Variants in CALN1 observed in about 807,000 individuals in gnomAD.
CALN1 encodes calcium-binding protein 8.
CALN1 carries 17 observed loss-of-function variants against 30.6 expected under a neutral mutation model. That is an observed-to-expected ratio of 0.56 (90% CI 0.38 to 0.83). The LOEUF (loss-of-function observed/expected upper bound fraction) is 0.83, where lower values mean the gene tolerates loss of function less well. Among genes scored for constraint, CALN1 ranks in the 40% least tolerant of loss-of-function variants. The pLI, the probability that CALN1 is intolerant of heterozygous loss-of-function variation, is 0.00. For missense variants in CALN1, 291 were observed against 354.9 expected (o/e 0.82, Z 1.45); for synonymous variants, 156 against 131.4 (o/e 1.19, Z -1.28).
At chr7:71,906,538 T>C (rs546333412) in intron 5 of CALN1, among the ~76,000 whole-genome samples, 3 of 152,194 alleles carry the variant, frequency 2.0e-5, no homozygotes, top group Non-Finnish European at 4.4e-5. Flanking sequence ...GGCTCATTCA[T>C]TGACAAAAAT....
intron 5 of CALN1, among the ~76,000 whole-genome samples, chr7:71,890,482 C>T (rs1296057303): frequency 6.6e-6 from 1 of 152,146 alleles, no homozygotes; most frequent in Non-Finnish European, 1.5e-5. Flanking sequence ...TCTCTCCATA[C>T]TGTGTTCCTC....
At chr7:72,438,420 C>G (rs967332648) in intron 1 of CALN1, among the ~76,000 whole-genome samples, 2 of 152,184 alleles carry the variant, frequency 1.3e-5, no homozygotes, top group African/African-American at 2.4e-5. Flanking sequence ...CGGCACCCAG[C>G]CTTGCCTGTA....
intron 2 of CALN1, among the ~76,000 whole-genome samples, chr7:72,350,931 AG>A (rs2129559277): frequency 6.6e-6 from 1 of 152,284 alleles, no homozygotes; most frequent in Admixed American, 6.5e-5. Flanking sequence ...ACCTGAGGTC[AG>A]GAGTTCAAGA....
At chr7:72,395,189 G>A (rs1479488579) in intron 2 of CALN1, among the ~76,000 whole-genome samples, 1 of 152,110 alleles carries the variant, frequency 6.6e-6, no homozygotes, top group African/African-American at 2.4e-5. Context: ...CACACCAATG[G>A]CACTTGAATA....
intron 2 of CALN1, among the ~76,000 whole-genome samples, chr7:72,314,366 C>CATACACATATATACACAT (rs1800275591): frequency 1.1e-4 from 9 of 81,804 alleles, no homozygotes; most frequent in Admixed American, 1.1e-3. Flanking sequence ...TATACATATA[C>CATACACATATATACACAT]ATATATACAC....
In CALN1 at chr7:71,986,620, A is replaced by G. The variant is rs1798686199; in HGVS notation, c.501+37037T>C. The stretch of plus-strand genomic sequence containing the variant: ...ACAGAAAAATGTGGTTAGAAAAGAT[A>G]AAAGCCAATGTGGCCCAGTGGGAAA... On this transcript the variant is annotated intron_variant, in intron 5 of 6. Coordinates refer to ENST00000395275, the MANE Select transcript of CALN1 (RefSeq NM_031468.4). Among the ~76,000 whole-genome samples the G allele has an allele frequency of 2.0e-5, 3 of 152,220 alleles. No individual in the cohort carries two copies. In the South Asian group the frequency reaches 6.2e-4, roughly 31 times the overall value.
At chr7:72,359,976 C>CAAAAAAAAAAAAAAAAAAAAAAAAAAAA (rs750054515) in intron 2 of CALN1, among the ~76,000 whole-genome samples, 1 of 63,952 alleles carries the variant, frequency 1.6e-5, no homozygotes, top group African/African-American at 8.6e-5. Flanking sequence ...GACTCCATCT[C>CAAAAAAAAAAAAAAAAAAAAAAAAAAAA]AAAAAAAAAA....
Position 72,105,457 on chromosome 7 carries a change from T to A in CALN1, c.388+694A>T, listed in dbSNP as rs1230756578. On this transcript the variant is annotated intron_variant, in intron 4 of 6. Transcript: ENST00000395275. ...ATTCTTGTTTGAGGGGTTTTGGTGA[T>A]GTTGGAGGAACATTCCCCAACTCAC... Among the ~76,000 whole-genome samples, 3 of 152,052 alleles carry A rather than the reference T, an allele frequency of 2.0e-5. No homozygotes were observed. In the East Asian group the frequency reaches 5.8e-4, roughly 30 times the overall value.
the CALN1 span, among the ~76,000 whole-genome samples, chr7:72,464,892 A>G: frequency 6.6e-6 from 1 of 152,084 alleles, no homozygotes; most frequent in Non-Finnish European, 1.5e-5. Context: ...CAACCTAAGA[A>G]TCTCCCAGAC....
At chr7:72,295,964 A>G (rs1015739556) in intron 2 of CALN1, among the ~76,000 whole-genome samples, 15 of 152,036 alleles carry the variant, frequency 9.9e-5, no homozygotes, top group Non-Finnish European at 1.8e-4. Flanking sequence ...GAATGCTTCC[A>G]GTTTTTGCCC....
At chr7:72,032,512 G>A (rs905724459) in intron 4 of CALN1, among the ~76,000 whole-genome samples, 1 of 152,122 alleles carries the variant, frequency 6.6e-6, no homozygotes, top group African/African-American at 2.4e-5. Flanking sequence ...ATTAACCCCC[G>A]TATTGTACTG....
chr7:72,109,316 C>T (rs1338706883), intron 3 of CALN1, among the ~76,000 whole-genome samples: 2 of 152,148 alleles, frequency 1.3e-5, no homozygotes, highest in East Asian at 1.9e-4. Context: ...CCCTGGAGGC[C>T]TCAGTTTGTT....
At chr7:72,050,222 G>C (rs951225197) in intron 4 of CALN1, among the ~76,000 whole-genome samples, 1 of 152,078 alleles carries the variant, frequency 6.6e-6, no homozygotes, top group Non-Finnish European at 1.5e-5. Context: ...ATAAAATTCA[G>C]TTTTGAACCC....
chr7:71,798,980 G>A (rs762197878), intron 6 of CALN1, among the ~76,000 whole-genome samples: 2 of 152,038 alleles, frequency 1.3e-5, no homozygotes, highest in African/African-American at 2.4e-5. Flanking sequence ...TTGACTCCGG[G>A]TATGAATGTG....
chr7:71,978,257 G>A (rs1584662363), intron 5 of CALN1, among the ~76,000 whole-genome samples: 2 of 118,208 alleles, frequency 1.7e-5, no homozygotes, highest in Middle Eastern at 4.2e-3. Flanking sequence ...GGACTCTAGA[G>A]AATTCTTTTT....
chr7:72,289,699 G>A (rs1317074932), intron 2 of CALN1, among the ~76,000 whole-genome samples: 1 of 151,980 alleles, frequency 6.6e-6, no homozygotes, highest in African/African-American at 2.4e-5. Context: ...ACAAATAATA[G>A]TAAAATGTAG....
intron 1 of CALN1, among the ~76,000 whole-genome samples, chr7:72,411,487 G>A (rs1376338019): frequency 2.6e-5 from 4 of 151,966 alleles, no homozygotes. Flanking sequence ...ATATCACTGT[G>A]AACTCAATTT....
At chr7:72,315,330 A>G (rs1457362498) in intron 2 of CALN1, among the ~76,000 whole-genome samples, 1 of 152,170 alleles carries the variant, frequency 6.6e-6, no homozygotes, top group African/African-American at 2.4e-5. Flanking sequence ...TAAAACATCA[A>G]TGTGCAATTC....
chr7:71,925,167 G>T (rs1450477960), intron 5 of CALN1, among the ~76,000 whole-genome samples: 5 of 152,150 alleles, frequency 3.3e-5, no homozygotes, highest in African/African-American at 1.2e-4. Flanking sequence ...CTTGAACCTG[G>T]AAGGTGGAGG....
Sources: allele counts gnomAD v4.1 joint callset (sites outside exome capture counted in the v4.1 genomes callset), GRCh38; gene constraint gnomAD v4.1.1; transcripts MANE v1.5; gene names NCBI Gene and HGNC (gene_info 2026-07-23, HGNC 2026-07-21).